The following ZNF93 variants were observed in gnomAD, a reference collection of about 807,000 sequenced individuals.
ZNF93 encodes zinc finger protein 93.
A neutral mutation model predicts 45.0 loss-of-function variants in ZNF93; 29 were observed. That is an observed-to-expected ratio of 0.64 (90% confidence interval 0.48 to 0.88). The LOEUF is 0.88. Among genes scored for constraint, ZNF93 ranks in the 40% least tolerant of loss-of-function variants. The pLI is 0.00. For synonymous variants in ZNF93, 223 were observed against 244.6 expected, an observed-to-expected ratio of 0.91 and a Z score of 0.82; for missense variants, 578 against 724.0, an observed-to-expected ratio of 0.80 and a Z score of 2.31.
At chr19:19,919,271 G>A (rs2063335073) in intron 3 of ZNF93, among the ~76,000 whole-genome samples, 1 of 152,072 alleles carries the variant, frequency 6.6e-6, no homozygotes, top group Non-Finnish European at 1.5e-5. Flanking sequence ...GTAGATGTGT[G>A]GCATTATTTC....
intron 1 of ZNF93, chr19:19,908,192 A>G (rs182829320): frequency 1.3e-5 from 2 of 152,154 alleles, no homozygotes; most frequent in South Asian, 2.1e-4. Flanking sequence ...CAAAAACCAT[A>G]ATAGCTCTTC....
intron 3 of ZNF93, among the ~76,000 whole-genome samples, chr19:19,917,383 A>C (rs990296053): frequency 3.3e-5 from 5 of 151,742 alleles, no homozygotes; most frequent in African/African-American, 1.2e-4. Flanking sequence ...TGGATCTTCT[A>C]ATTTTTTTAT....
chr19:19,916,523 T>C lies in ZNF93; in HGVS notation c.131-37T>C, dbSNP rs771067691. On this transcript the variant is annotated intron_variant, in intron 2 of 3. Transcript: ENST00000343769. ...ATTACTAGCTTGTAATTGGAGAATATGAGCAAGATTCATGTTATTTATTCT... is the reference window on the plus strand; with the variant it reads ...ATTACTAGCTTGTAATTGGAGAATACGAGCAAGATTCATGTTATTTATTCT... 2.6e-6 allele frequency: 4 copies of C among 1,544,044 alleles called. No homozygotes were observed. In the South Asian group the frequency reaches 3.4e-5, roughly 13 times the overall value.
rs1007299447 is a variant in ZNF93 at position 19,914,909 on chromosome 19, G to A, written c.4-371G>A. ...CGCATAACAAGGTCTTCAGCTTATT[G>A]TACATATTAAAATTTGAGAGGTGAC... is the stretch of plus-strand genomic sequence containing the variant. On this transcript the variant is annotated intron_variant, in intron 1 of 3. Coordinates refer to ENST00000343769, the MANE Select transcript of ZNF93 (RefSeq NM_031218.4). 1.1e-4 allele frequency: 37 copies of A among 323,032 alleles called. No individual in the cohort carries two copies. In the Middle Eastern group the frequency reaches 5.5e-3, roughly 48 times the overall value. 20.0% of individuals were successfully genotyped at this position (323,032 alleles called of 1,614,324 possible). A position where few individuals can be genotyped will look rare whatever the true frequency, so the allele number is the denominator to read the frequency against.
chr19:19,913,753 A>G (rs993800698), intron 1 of ZNF93, among the ~76,000 whole-genome samples: 20 of 152,166 alleles, frequency 1.3e-4, no homozygotes, highest in African/African-American at 4.8e-4. Context: ...TTAAAGGCAT[A>G]TTCTCCAGAT....
At chr19:19,913,902 C>A (rs550079885) in intron 1 of ZNF93, among the ~76,000 whole-genome samples, 2 of 152,316 alleles carry the variant, frequency 1.3e-5, no homozygotes, top group East Asian at 3.9e-4. Flanking sequence ...GACTGCCATG[C>A]GTTTAGTACT....
intron 2 of ZNF93, among the ~76,000 whole-genome samples, chr19:19,916,263 C>T (rs947904600): frequency 2.0e-5 from 3 of 152,016 alleles, no homozygotes; most frequent in Admixed American, 2.0e-4. Flanking sequence ...GATGGGGTTT[C>T]ACCATGTTGG....
chr19:19,923,629 C>T (rs2063347952), intron 3 of ZNF93, among the ~76,000 whole-genome samples: 1 of 152,200 alleles, frequency 6.6e-6, no homozygotes, highest in African/African-American at 2.4e-5. Flanking sequence ...GGCGCCCCTC[C>T]CCCAGCCTCG....
chr19:19,932,123 A>C (rs1373748749), intron 3 of ZNF93: 1 of 218,482 alleles, frequency 4.6e-6, no homozygotes, highest in South Asian at 4.8e-5. Context: ...AATACAAAAA[A>C]TTAGCCAGGC....
chr19:19,930,095 C>T (rs1452456270), intron 3 of ZNF93, among the ~76,000 whole-genome samples: 1 of 151,678 alleles, frequency 6.6e-6, no homozygotes, highest in Non-Finnish European at 1.5e-5. Flanking sequence ...GAATACAAAG[C>T]AAAAGGGGCA....
At chr19:19,928,356 T>C (rs1196676800) in intron 3 of ZNF93, among the ~76,000 whole-genome samples, 1 of 152,230 alleles carries the variant, frequency 6.6e-6, no homozygotes, top group Non-Finnish European at 1.5e-5. Context: ...GTAGGTTGTA[T>C]TGATATCTTT....
chr19:19,909,794 G>A (rs1261749936), intron 1 of ZNF93, among the ~76,000 whole-genome samples: 1 of 152,182 alleles, frequency 6.6e-6, no homozygotes, highest in African/African-American at 2.4e-5. Flanking sequence ...TACTGTAGAG[G>A]GGACTTTCCC....
At chr19:19,913,189 G>A (rs986153933) in intron 1 of ZNF93, among the ~76,000 whole-genome samples, 2 of 152,274 alleles carry the variant, frequency 1.3e-5, no homozygotes, top group African/African-American at 4.8e-5. Context: ...CAAACATACA[G>A]AATCACATTA....
intron 1 of ZNF93, among the ~76,000 whole-genome samples, chr19:19,905,522 G>A (rs930581868): frequency 6.6e-5 from 10 of 152,110 alleles, no homozygotes; most frequent in African/African-American, 2.2e-4. Context: ...CTTCATCAAA[G>A]TTATTGCAAA....
intron 1 of ZNF93, among the ~76,000 whole-genome samples, chr19:19,913,146 A>C (rs576105614): frequency 1.3e-5 from 2 of 152,176 alleles, no homozygotes; most frequent in South Asian, 4.1e-4. Flanking sequence ...TTGACAGGGG[A>C]CTTGTTTAAA....
chr19:19,926,904 A>G lies in ZNF93; in HGVS notation c.227-6278A>G, dbSNP rs1043261562. Among the ~76,000 whole-genome samples, 14 of 152,098 alleles carry G rather than the reference A, an allele frequency of 9.2e-5. 1 individual carries two copies. Among genetic ancestry groups the G allele is most frequent in the Non-Finnish European group, 1.8e-4 (12 of 68,004 alleles). ...ATGGTAGTTTTATCTTGTCTAAGTG[A>G]GAGTCATGGAGATAGTCTTATTTTC... On this transcript the variant is annotated intron_variant, in intron 3 of 3. Coordinates refer to ENST00000343769, the MANE Select transcript of ZNF93 (RefSeq NM_031218.4).
chr19:19,912,241 A>G (rs2063310844), intron 1 of ZNF93, among the ~76,000 whole-genome samples: 1 of 152,150 alleles, frequency 6.6e-6, no homozygotes. Flanking sequence ...GCTTAGAAAC[A>G]AAACAAAACT....
intron 1 of ZNF93, among the ~76,000 whole-genome samples, chr19:19,905,205 T>A (rs1476484329): frequency 1.4e-5 from 2 of 145,420 alleles, no homozygotes; most frequent in African/African-American, 5.1e-5. Flanking sequence ...ACTCAGGGAT[T>A]TTTTTTTTTC....
intron 3 of ZNF93, among the ~76,000 whole-genome samples, chr19:19,920,816 C>T (rs1254350383): frequency 1.3e-5 from 2 of 152,078 alleles, no homozygotes; most frequent in South Asian, 2.1e-4. Context: ...TTTATTGCAT[C>T]TATTTGATTC....
Sources: allele counts gnomAD v4.1 joint callset (sites outside exome capture counted in the v4.1 genomes callset), GRCh38; gene constraint gnomAD v4.1.1; transcripts MANE v1.5; gene names NCBI Gene and HGNC (gene_info 2026-07-23, HGNC 2026-07-21).